SERINC2: variants seen among roughly 807,000 people sequenced by gnomAD.
SERINC2 encodes serine incorporator 2, also known as tumor differentially expressed protein 2.
In SERINC2, 56 loss-of-function variants were observed where a neutral mutation model predicts 54.2. The ratio of observed to expected loss-of-function variants is 1.03; its 90% CI spans 0.83 to 1.29. The LOEUF (loss-of-function observed/expected upper bound fraction) is 1.29. SERINC2 is among the 50% of genes most tolerant of loss of function. The probability of loss-of-function intolerance (pLI) is 0.00; values close to 1 mark genes in which losing one functional copy is unlikely to be tolerated. For synonymous variants in SERINC2, 272 were observed against 253.1 expected (o/e 1.07, Z -0.71); for missense variants, 614 against 607.4 (o/e 1.01, Z -0.12).
At chr1:31,423,581 C>G in intron 1 of SERINC2, 112 bp from the exon 2 acceptor site, 1 of 1,110,492 alleles carries the variant, frequency 9.0e-7, no homozygotes, top group Non-Finnish European at 1.3e-6. Context: ...GTCTGGGGAA[C>G]AGTGTGCTCC....
chr1:31,414,454 TGAGAGAGAGA>T (rs149012313), intron 1 of SERINC2: 81 of 732,920 alleles, frequency 1.1e-4, no homozygotes, highest in Non-Finnish European at 1.2e-4. Context: ...TGTGTGTGTG[TGAGAGAGAGA>T]GAGAGAGAGA....
At position 31,431,777 on chromosome 1, in the gene SERINC2, A is replaced by ATAGGATGGT. The variant is rs1641215541; in HGVS notation, c.1014-1186_1014-1185insATGGTTAGG. 4.2e-5 allele frequency among the ~76,000 whole-genome samples: 4 copies of ATAGGATGGT among 95,632 alleles called. 1 individual carries two copies. Among genetic ancestry groups the ATAGGATGGT allele is most frequent in the African/African-American group, 1.9e-4 (4 of 21,158 alleles). 62.7% of individuals were successfully genotyped at this position (95,632 alleles called of 152,430 possible). The stretch of plus-strand genomic sequence containing the variant: ...AGGGTGGAGAGGGTGGAGAGGGTGA[A>ATAGGATGGT]TAGGGTGGATAGGGTGGATAGGGTG... On this transcript the variant is annotated intron_variant, in intron 8 of 9. Transcript: ENST00000373709.
intron 8 of SERINC2, 94 bp from the exon 9 acceptor site, chr1:31,432,873 G>C (rs1354751595): frequency 2.1e-6 from 2 of 944,862 alleles, no homozygotes; most frequent in Non-Finnish European, 3.2e-6. Context: ...CAGTAACCGG[G>C]TCGCTGGCCT....
intron 1 of SERINC2, among the ~76,000 whole-genome samples, chr1:31,422,993 T>C (rs1640938957): frequency 6.6e-6 from 1 of 152,262 alleles, no homozygotes; most frequent in African/African-American, 2.4e-5. Context: ...CTGCACTTGC[T>C]GTTTTCTGAG....
intron 1 of SERINC2, among the ~76,000 whole-genome samples, chr1:31,423,289 C>T (rs941316915): frequency 2.0e-5 from 3 of 152,172 alleles, no homozygotes; most frequent in African/African-American, 7.2e-5. Context: ...GTGAGGAGTA[C>T]ATACCACTAT....
At chr1:31,423,009 A>G (rs1640939075) in intron 1 of SERINC2, among the ~76,000 whole-genome samples, 1 of 152,246 alleles carries the variant, frequency 6.6e-6, no homozygotes. Context: ...CTGAGGTCTT[A>G]ACATGTGACT....
At chr1:31,426,443 C>G (rs1039953443) in intron 5 of SERINC2, among the ~76,000 whole-genome samples, 9 of 152,170 alleles carry the variant, frequency 5.9e-5, no homozygotes, top group Non-Finnish European at 1.0e-4. Flanking sequence ...TTACAATTCC[C>G]TTATTACAAG....
upstream of SERINC2, chr1:31,409,819 G>A (rs765801354): frequency 2.1e-5 from 33 of 1,554,702 alleles, no homozygotes; most frequent in African/African-American, 1.4e-4. Context: ...GCTCAAAGCC[G>A]GCACACATCT....
At chr1:31,414,454 T>TGTGTGTGTGTGTGTGTGTGTGAGA (rs1553131931) in intron 1 of SERINC2, 9 of 732,978 alleles carry the variant, frequency 1.2e-5, no homozygotes, top group East Asian at 3.3e-4. Context: ...TGTGTGTGTG[T>TGTGTGTGTGTGTGTGTGTGTGAGA]GAGAGAGAGA....
rs1553135299 is a variant in SERINC2 at position 31,434,053 on chromosome 1, G to A, written c.1233-11G>A. On this transcript the variant is annotated splice_polypyrimidine_tract_variant and intron_variant, in intron 9 of 9. Coordinates refer to ENST00000373709, the MANE Select transcript of SERINC2 (RefSeq NM_178865.5). ...GGGCACCAGGCTCATGGGGAAGATG[G>A]TGTGTTCCAGGCCCGGTGAGACCCG... 2 of 1,613,030 alleles carry A rather than the reference G, an allele frequency of 1.2e-6. No individual in the cohort carries two copies. Among genetic ancestry groups the A allele is most frequent in the Non-Finnish European group, 1.7e-6 (2 of 1,179,436 alleles).
Position 31,413,877 on chromosome 1 carries a change from C to T in SERINC2, c.39+573C>T, listed in dbSNP as rs1259743114. 1 of 1,447,902 alleles carries T rather than the reference C, an allele frequency of 6.9e-7. No individual in the cohort carries two copies. Among genetic ancestry groups the T allele is most frequent in the East Asian group, 2.9e-5 (1 of 34,672 alleles). The allele number at this position is 1,447,902 out of a possible 1,614,324, so 89.7% of individuals were successfully genotyped here. ...ACTGTCTTTGTCCGTCTGCTGTCTT[C>T]TGTCCGTCTGCCCGTCCGCCCGTCC... On this transcript the variant is annotated intron_variant, in intron 1 of 9. Coordinates refer to ENST00000373709, the MANE Select transcript of SERINC2 (RefSeq NM_178865.5). This position sits in a 1 kb window ranked among gnomAD's most constrained non-coding sequence, Gnocchi z 5.0.
Position 31,425,226 on chromosome 1 carries a change from C to T in SERINC2, c.393-104C>T, listed in dbSNP as rs556006717. On this transcript the variant is annotated intron_variant, in intron 3 of 9. Coordinates refer to ENST00000373709, the MANE Select transcript of SERINC2 (RefSeq NM_178865.5). ...GAAAGCCCACCCTCACCCCTCTCAG[C>T]ACCTGCTGTTTGTGGGTGGGGGCTC... The T allele has an allele frequency of 3.2e-5, 28 of 868,930 alleles. No homozygotes were observed. The East Asian group carries it at 6.2e-4, about 19-fold the overall frequency. The allele number at this position is 868,930 out of a possible 1,614,324, so 53.8% of individuals were successfully genotyped here. A position where few individuals can be genotyped will look rare whatever the true frequency, so the allele number is the denominator to read the frequency against.
Position 31,434,139 on chromosome 1 carries a change from G to T in SERINC2, c.1308G>T (p.Leu436=). ...AGATCTGTGCCAGCTGGGCAGGGCT[G>T]CTCCTCTACCTGTGGACCCTGGTAG... ...WVKICASWAG[L]LLYLWTLVAP... Residue 436 remains leucine, a synonymous_variant, in exon 10 of 10, where the codon CTG becomes CTT. Transcript: ENST00000373709. 1 of 1,613,934 alleles carries T rather than the reference G, an allele frequency of 6.2e-7. No individual in the cohort carries two copies. Among genetic ancestry groups the T allele is most frequent in the Non-Finnish European group, 8.5e-7 (1 of 1,179,930 alleles).
At chr1:31,429,645 A>G (rs1438509493) in intron 8 of SERINC2, 107 bp downstream of exon 8, 1 of 1,218,510 alleles carries the variant, frequency 8.2e-7, no homozygotes, top group African/African-American at 1.5e-5. Flanking sequence ...TGCTCTTCAC[A>G]TTCAATATAT....
At position 31,413,283 on chromosome 1, in the gene SERINC2, A is replaced by G. The variant is rs2148509422; in HGVS notation, c.18A>G (p.Gly6=). 1 of 1,256,160 alleles carries G rather than the reference A, an allele frequency of 8.0e-7. No homozygotes were observed. The highest frequency in any genetic ancestry group is 1.0e-6 in the Non-Finnish European group (1 of 1,001,534). 77.8% of individuals were successfully genotyped at this position (1,256,160 alleles called of 1,614,324 possible). MGACL[G]ACSLLSCASC... is the part of the protein sequence containing the mutation. ...CCGCCGCCATGGGGGCCTGCCTGGG[A>G]GCCTGCTCCCTGCTCAGCTGCGTGA... The change falls in exon 1 of 10, where the codon GGA becomes GGG. Residue 6 remains glycine, a synonymous_variant. Coordinates refer to ENST00000373709, the MANE Select transcript of SERINC2 (RefSeq NM_178865.5). The surrounding 1 kb of genome is among the most constrained non-coding windows in gnomAD (Gnocchi z 5.0).
chr1:31,424,003 G>A, intron 2 of SERINC2, 149 bp downstream of exon 2: 1 of 719,328 alleles, frequency 1.4e-6, no homozygotes, highest in Non-Finnish European at 2.3e-6. Flanking sequence ...AATGAGGGGA[G>A]GAGGGCTTGA....
In SERINC2 at chr1:31,429,491, G is replaced by C. The variant is rs782686880; in HGVS notation, c.966G>C (p.Pro322=). Residue 322 remains proline (P), a synonymous_variant, in exon 8 of 10, where the codon CCG becomes CCC. Transcript: ENST00000373709. The stretch of plus-strand genomic sequence containing the variant: ...ATGAGACCCAGTGGTGGGATGCCCC[G>C]AGCATTGTGGGCCTCATCATCTTCC... ...EGYETQWWDA[P]SIVGLIIFLL... is the part of the protein sequence containing the mutation. The C allele has an allele frequency of 1.9e-6, 3 of 1,613,692 alleles. No individual in the cohort carries two copies. Among genetic ancestry groups the C allele is most frequent in the Non-Finnish European group, 2.5e-6 (3 of 1,179,824 alleles).
At position 31,424,705 on chromosome 1, in the gene SERINC2, G is replaced by A. The variant is rs148585359; in HGVS notation, c.224G>A (p.Gly75Glu). The A allele has an allele frequency of 1.4e-5, 23 of 1,602,834 alleles. No homozygotes were observed. Among genetic ancestry groups the A allele is most frequent in the African/African-American group, 4.0e-5 (3 of 74,766 alleles). Residue 75 changes from glycine (G) to glutamate (E), a missense_variant, in exon 3 of 10, where the codon GGG becomes GAG. Transcript: ENST00000373709. ...CAGCTGCCCTGGGTGTGTGAGGAGG[G>A]GGCCGGGATCCCCACCGTCCTGCAG... ...LYKLPWVCEE[G>E]AGIPTVLQGH...
chr1:31,423,897 G>A (rs782693402), intron 2 of SERINC2, 43 bp downstream of exon 2: 17 of 1,588,116 alleles, frequency 1.1e-5, no homozygotes, highest in South Asian at 5.6e-5. Context: ...AGCGAGGGGC[G>A]TCAGTGGCTC....
Sources: gnomAD v4.1 joint callset for allele counts (sites outside exome capture counted in the v4.1 genomes callset) on GRCh38, gnomAD v4.1.1 for gene constraint, Gnocchi (gnomAD v3.1) non-coding constraint, MANE v1.5 for transcripts, NCBI Gene and HGNC (gene_info 2026-07-23, HGNC 2026-07-21) for gene names.